The following CDH8 variants were observed in gnomAD, a reference collection of about 807,000 sequenced individuals.
CDH8 encodes cadherin-8.
CDH8 carries 17 observed loss-of-function variants against 68.1 expected under a neutral mutation model. That is an observed-to-expected ratio of 0.25 (90% CI 0.17 to 0.37). The LOEUF is 0.37. Ranked by LOEUF, CDH8 falls within the 10% of genes least tolerant of loss-of-function variation. The pLI is 1.00. For synonymous variants in CDH8, 372 were observed against 365.1 expected (o/e 1.02, Z -0.21); for missense variants, 763 against 999.3 (o/e 0.76, Z 3.19).
At position 62,012,897 on chromosome 16, in the gene CDH8, TG is replaced by T. The variant is rs1901846901; in HGVS notation, c.252+8254del. On this transcript the variant is annotated intron_variant, in intron 2 of 11. Transcript: ENST00000577390. Reference sequence around the variant, plus strand: ...TTTATGATTCTGTGTTGTTTTCAACTGGGGAAATCTCCACATCAAAACAGTG... The same window carrying T: ...TTTATGATTCTGTGTTGTTTTCAACTGGGAAATCTCCACATCAAAACAGTG... 2.0e-5 allele frequency among the ~76,000 whole-genome samples: 3 copies of T among 152,284 alleles called. No homozygotes were observed. In the South Asian group the frequency reaches 6.2e-4, roughly 32 times the overall value.
At chr16:61,741,019 A>G (rs1005030642) in intron 8 of CDH8, among the ~76,000 whole-genome samples, 1 of 152,186 alleles carries the variant, frequency 6.6e-6, no homozygotes, top group East Asian at 1.9e-4. Flanking sequence ...TGTACTAAAG[A>G]TCAAGCTGCT....
intron 3 of CDH8, among the ~76,000 whole-genome samples, chr16:61,864,299 T>TTGGA (rs1963210200): frequency 9.9e-6 from 1 of 100,584 alleles, no homozygotes; most frequent in South Asian, 3.0e-4. Flanking sequence ...GTCCGGTTGG[T>TTGGA]TGGTTGGTTG....
At chr16:61,659,989 CA>C (rs1963524394) in intron 10 of CDH8, among the ~76,000 whole-genome samples, 1 of 152,206 alleles carries the variant, frequency 6.6e-6, no homozygotes, top group Admixed American at 6.5e-5. Context: ...TAGACATGGT[CA>C]GGGGAAAAGG....
At chr16:61,915,006 T>C (rs1033039) in intron 2 of CDH8, among the ~76,000 whole-genome samples, 2,024 of 152,364 alleles carry the variant, frequency 0.013, 20 homozygotes, top group Middle Eastern at 0.034. Context: ...GTATTTTCAA[T>C]TAATGTAAGT....
rs377139085 is a variant in CDH8 at position 61,915,871 on chromosome 16, G to A, written c.253-14398C>T. 1.5e-4 allele frequency among the ~76,000 whole-genome samples: 23 copies of A among 152,090 alleles called. 1 individual carries two copies. The highest frequency in any genetic ancestry group is 5.3e-4 in the African/African-American group (22 of 41,398). On this transcript the variant is annotated intron_variant, in intron 2 of 11. Transcript: ENST00000577390. The stretch of plus-strand genomic sequence containing the variant: ...AAATCTAGCAAACCTAGAAGATGGA[G>A]GTAGAAAGGTAGGGGGTGGGGCATT...
chr16:61,821,427 G>A (rs949427282), intron 5 of CDH8, among the ~76,000 whole-genome samples: 4 of 151,992 alleles, frequency 2.6e-5, no homozygotes, highest in Non-Finnish European at 4.4e-5. Flanking sequence ...GAATCTATGT[G>A]TATATTTTTT....
chr16:61,953,660 G>A (rs1299234506), intron 2 of CDH8, among the ~76,000 whole-genome samples: 3 of 151,170 alleles, frequency 2.0e-5, no homozygotes, highest in Non-Finnish European at 4.4e-5. Context: ...TTGAGCCCAG[G>A]AATTCGAGAC....
At position 61,650,872 on chromosome 16, in the gene CDH8, A is replaced by G. The variant is rs1370313938; in HGVS notation, c.*2736T>C. 2.0e-5 allele frequency: 3 copies of G among 152,066 alleles called. No homozygotes were observed. The highest frequency in any genetic ancestry group is 4.4e-5 in the Non-Finnish European group (3 of 67,998). The allele number at this position is 152,066 out of a possible 1,614,324, so 9.4% of individuals were successfully genotyped here. ...GACCTGAAATAGGCTTTTAAACACA[A>G]AATGCTGACACTGTGGTGGCAAAGA... On this transcript the variant is annotated 3_prime_UTR_variant, in exon 12 of 12. Transcript: ENST00000577390.
chr16:61,761,781 T>G (rs1037768056), intron 8 of CDH8, among the ~76,000 whole-genome samples: 1 of 152,036 alleles, frequency 6.6e-6, no homozygotes, highest in South Asian at 2.1e-4. Context: ...GGTGGGTGGA[T>G]CACCTAAGTT....
intron 9 of CDH8, among the ~76,000 whole-genome samples, chr16:61,722,976 T>C (rs1959239013): frequency 6.6e-6 from 1 of 150,730 alleles, no homozygotes; most frequent in Admixed American, 6.6e-5. Context: ...GATTTATTTA[T>C]AGTTACAGAA....
At chr16:62,025,078 G>T (rs571510650) in intron 1 of CDH8, among the ~76,000 whole-genome samples, 22 of 152,156 alleles carry the variant, frequency 1.4e-4, no homozygotes, top group Non-Finnish European at 3.1e-4. Flanking sequence ...CATATTGGCA[G>T]CATTAAAGAA....
At chr16:62,020,442 C>T (rs1225857559) in intron 2 of CDH8, among the ~76,000 whole-genome samples, 1 of 152,018 alleles carries the variant, frequency 6.6e-6, no homozygotes, top group Admixed American at 6.6e-5. Context: ...ATTTGTCTAA[C>T]CTGCCAACAA....
At chr16:61,950,205 C>T (rs1030834264) in intron 2 of CDH8, among the ~76,000 whole-genome samples, 1 of 152,140 alleles carries the variant, frequency 6.6e-6, no homozygotes, top group African/African-American at 2.4e-5. Flanking sequence ...GGTTGTAATA[C>T]AGAAGGCAAG....
At chr16:61,926,149 AGG>A (rs1259008131) in intron 2 of CDH8, among the ~76,000 whole-genome samples, 1 of 121,144 alleles carries the variant, frequency 8.3e-6, no homozygotes. Context: ...GGGACTCAGA[AGG>A]GGTGTGTGTG....
chr16:61,734,697 T>G (rs1475144387), intron 8 of CDH8, among the ~76,000 whole-genome samples: 1 of 152,160 alleles, frequency 6.6e-6, no homozygotes, highest in Non-Finnish European at 1.5e-5. Flanking sequence ...TTGTTTAGAG[T>G]TATTAAGCTG....
chr16:61,803,387 A>G (rs948501310), intron 7 of CDH8, among the ~76,000 whole-genome samples: 2 of 132,582 alleles, frequency 1.5e-5, no homozygotes, highest in African/African-American at 6.1e-5. Context: ...GACCATCGAG[A>G]CTAGGAAGAA....
chr16:61,724,425 T>G (rs1235241376), intron 9 of CDH8, among the ~76,000 whole-genome samples: 3 of 150,760 alleles, frequency 2.0e-5, no homozygotes, highest in Non-Finnish European at 4.5e-5. Context: ...GTTTTCATTT[T>G]GTGAGCCGTT....
intron 2 of CDH8, among the ~76,000 whole-genome samples, chr16:61,926,589 G>A (rs1654427955): frequency 6.6e-6 from 1 of 152,132 alleles, no homozygotes; most frequent in Non-Finnish European, 1.5e-5. Context: ...TGGAGCATAT[G>A]CCCACAAACA....
At chr16:61,746,504 G>T (rs1040745487) in intron 8 of CDH8, among the ~76,000 whole-genome samples, 6 of 150,766 alleles carry the variant, frequency 4.0e-5, no homozygotes, top group Non-Finnish European at 5.9e-5. Flanking sequence ...GGGAGAGTTT[G>T]TCTGATGTAA....
Sources: allele counts gnomAD v4.1 joint callset (sites outside exome capture counted in the v4.1 genomes callset), GRCh38; gene constraint gnomAD v4.1.1; transcripts MANE v1.5; gene names NCBI Gene and HGNC (gene_info 2026-07-23, HGNC 2026-07-21).